Variants in UBE3D observed in about 807,000 individuals in gnomAD.
The protein encoded by UBE3D is ubiquitin protein ligase E3D.
In UBE3D, 48 loss-of-function variants were observed where a neutral mutation model predicts 49.6. The ratio of observed to expected loss-of-function variants is 0.97; its 90% CI spans 0.77 to 1.23. The LOEUF is 1.23. Among genes scored for constraint, UBE3D ranks in the 50% most tolerant of loss-of-function variants. The pLI is 0.00. For synonymous variants in UBE3D, 189 were observed against 174.2 expected (o/e 1.08, Z -0.67); for missense variants, 452 against 468.4 (o/e 0.96, Z 0.32).
At chr6:83,032,735 G>C (rs1186378734) in intron 5 of UBE3D, among the ~76,000 whole-genome samples, 1 of 152,116 alleles carries the variant, frequency 6.6e-6, no homozygotes, top group African/African-American at 2.4e-5. Flanking sequence ...TCATAGAAGG[G>C]ACCTGGTGGG....
intron 6 of UBE3D, 39 bp from the exon 7 acceptor site, chr6:83,022,600 A>C: frequency 3.5e-4 from 500 of 1,439,358 alleles, no homozygotes; most frequent in Non-Finnish European, 4.3e-4. Context: ...TGTGTATCTC[A>C]TAATAACTCT....
chr6:82,903,668 C>A (rs1289662777), intron 9 of UBE3D, among the ~76,000 whole-genome samples: 1 of 151,982 alleles, frequency 6.6e-6, no homozygotes, highest in Non-Finnish European at 1.5e-5. Context: ...TTAAGACATG[C>A]AAATTTTAAA....
At chr6:82,972,324 T>C (rs1022661727) in intron 8 of UBE3D, among the ~76,000 whole-genome samples, 1 of 152,226 alleles carries the variant, frequency 6.6e-6, no homozygotes, top group Non-Finnish European at 1.5e-5. Context: ...CTTGGTATCT[T>C]AGCTACTAGT....
intron 8 of UBE3D, among the ~76,000 whole-genome samples, chr6:82,957,651 T>C (rs1582464308): frequency 6.6e-6 from 1 of 152,166 alleles, no homozygotes; most frequent in East Asian, 1.9e-4. Flanking sequence ...ATCAGGCAAT[T>C]TTTCAGGCCA....
rs556531999 is a variant in UBE3D, at chr6:83,026,192, TC to T, written c.668-2155del. Among the ~76,000 whole-genome samples the T allele has an allele frequency of 3.3e-4, 50 of 152,182 alleles. No individual in the cohort carries two copies. The South Asian group carries it at 9.1e-3, about 28-fold the overall frequency. ...CCCAGGTACAGTGGCTCATACTTAA[TC>T]CCAGCACTTTGGAAGGCCAAGGCAG... is the stretch of plus-strand genomic sequence containing the variant. On this transcript the variant is annotated intron_variant, in intron 5 of 9. Transcript: ENST00000369747.
At chr6:82,966,159 T>G (rs1284044528) in intron 8 of UBE3D, among the ~76,000 whole-genome samples, 1 of 152,198 alleles carries the variant, frequency 6.6e-6, no homozygotes, top group Non-Finnish European at 1.5e-5. Context: ...CTCATCTGTA[T>G]GCCACATATT....
intron 1 of UBE3D, among the ~76,000 whole-genome samples, chr6:83,058,248 A>C (rs1172511678): frequency 6.6e-6 from 1 of 152,318 alleles, no homozygotes; most frequent in Admixed American, 6.5e-5. Context: ...AAGTCCTGGG[A>C]CAGATTTTTG....
At chr6:82,925,498 G>C (rs1451208501) in intron 9 of UBE3D, among the ~76,000 whole-genome samples, 1 of 152,164 alleles carries the variant, frequency 6.6e-6, no homozygotes, top group Non-Finnish European at 1.5e-5. Context: ...ACCTTCAGAT[G>C]TAAGTAACCT....
At chr6:83,063,283 A>G (rs1435517445) in intron 1 of UBE3D, 1 of 208,606 alleles carries the variant, frequency 4.8e-6, no homozygotes, top group Non-Finnish European at 1.0e-5. Context: ...GCATGGTGGC[A>G]TGCAACTTGT....
At position 82,957,435 on chromosome 6, in the gene UBE3D, C is replaced by T. The variant is rs759813102; in HGVS notation, c.1026G>A (p.Trp342Ter). 6.2e-7 allele frequency: 1 copy of T among 1,613,900 alleles called. No individual in the cohort carries two copies. The highest frequency in any genetic ancestry group is 1.1e-5 in the South Asian group (1 of 91,044). Reference protein sequence around the residue: ...KSRNEKLVSLWESDISVHPLT... With the variant: ...KSRNEKLVSL The stretch of plus-strand genomic sequence containing the variant: ...GCGGGTGGACGCTGATGTCACTTTC[C>T]CACAAGCTGACAAGTCTGGAACACA... Residue 342 changes from tryptophan (W) to a stop codon, truncating the protein, a stop_gained, in exon 9 of 10, where the codon TGG (tryptophan) becomes TGA (stop). Coordinates refer to ENST00000369747, the MANE Select transcript of UBE3D (RefSeq NM_198920.3). LOFTEE classifies it high-confidence loss of function.
chr6:82,894,659 T>C (rs1368615199), intron 9 of UBE3D, among the ~76,000 whole-genome samples: 1 of 152,186 alleles, frequency 6.6e-6, no homozygotes, highest in Non-Finnish European at 1.5e-5. Flanking sequence ...GTGTTTCCCC[T>C]GTCTCTCAGC....
At chr6:83,051,433 A>G (rs12191538) in intron 3 of UBE3D, among the ~76,000 whole-genome samples, 12,471 of 152,254 alleles carry the variant, frequency 0.082, 669 homozygotes, top group Non-Finnish European at 0.12. Context: ...GATTTTTCAT[A>G]TTATCATCCT....
intron 9 of UBE3D, among the ~76,000 whole-genome samples, chr6:82,895,268 G>A (rs999859113): frequency 3.9e-5 from 6 of 152,252 alleles, no homozygotes; most frequent in Non-Finnish European, 8.8e-5. Flanking sequence ...CCGAGATCAC[G>A]CTACTGCACT....
At position 83,065,750 on chromosome 6, in the gene UBE3D, T is replaced by A. The variant is rs1370681126; in HGVS notation, c.-32A>T. 6.3e-7 allele frequency: 1 copy of A among 1,593,806 alleles called. No homozygotes were observed. The highest frequency in any genetic ancestry group is 2.3e-5 in the East Asian group (1 of 43,198). On this transcript the variant is annotated 5_prime_UTR_variant, in exon 1 of 10. Coordinates refer to ENST00000369747, the MANE Select transcript of UBE3D (RefSeq NM_198920.3). ...CTTCCAGTCCCAGACCGGACCAAGC[T>A]GGAGGTTCCGAGGGGCCCGGGTCAA...
chr6:82,906,878 A>G (rs555265446), intron 9 of UBE3D, among the ~76,000 whole-genome samples: 1 of 152,224 alleles, frequency 6.6e-6, no homozygotes, highest in Non-Finnish European at 1.5e-5. Flanking sequence ...TCTTAAAACC[A>G]TCTTAACAAT....
intron 9 of UBE3D, among the ~76,000 whole-genome samples, chr6:82,910,442 G>A (rs943206227): frequency 2.0e-4 from 30 of 152,114 alleles, no homozygotes; most frequent in Non-Finnish European, 3.5e-4. Flanking sequence ...AAAAGAGACT[G>A]GGAGATTTGT....
chr6:83,049,869 AGGACTATTT>A (rs1332623624), intron 3 of UBE3D: 13 of 463,886 alleles, frequency 2.8e-5, no homozygotes, highest in Non-Finnish European at 5.3e-5. Context: ...TCCAAACACA[AGGACTATTT>A]GGCTGTTTCT....
At chr6:82,916,189 G>A (rs1358541627) in intron 9 of UBE3D, among the ~76,000 whole-genome samples, 1 of 152,090 alleles carries the variant, frequency 6.6e-6, no homozygotes, top group African/African-American at 2.4e-5. Context: ...TGTGTACAAG[G>A]GTTGCAATTT....
At chr6:82,950,322 T>G (rs1327827479) in intron 9 of UBE3D, among the ~76,000 whole-genome samples, 1 of 152,190 alleles carries the variant, frequency 6.6e-6, no homozygotes, top group Admixed American at 6.5e-5. Context: ...GGATATCATC[T>G]CACACCAGTT....
Sources: allele counts gnomAD v4.1 joint callset (sites outside exome capture counted in the v4.1 genomes callset), GRCh38; gene constraint gnomAD v4.1.1; transcripts MANE v1.5; gene names NCBI Gene and HGNC (gene_info 2026-07-23, HGNC 2026-07-21).